Variants in AMBRA1 observed in about 807,000 individuals in gnomAD.
AMBRA1 encodes autophagy and beclin 1 regulator 1, also known as activating molecule in BECN1-regulated autophagy protein 1.
A neutral mutation model predicts 125.4 loss-of-function variants in AMBRA1; 47 were observed. The ratio of observed to expected loss-of-function variants is 0.37; its 90% CI spans 0.30 to 0.48. AMBRA1 has a LOEUF of 0.48. Among genes scored for constraint, AMBRA1 ranks in the 20% least tolerant of loss-of-function variants. The probability of loss-of-function intolerance (pLI) is 0.99; values close to 1 mark genes in which losing one functional copy is unlikely to be tolerated. For synonymous variants in AMBRA1, 626 were observed against 655.5 expected, an observed-to-expected ratio of 0.95 and a Z score of 0.69; for missense variants, 1,331 against 1,693.4, an observed-to-expected ratio of 0.79 and a Z score of 3.76.
intron 14 of AMBRA1, among the ~76,000 whole-genome samples, chr11:46,422,845 G>A (rs187898864): frequency 3.3e-5 from 5 of 152,292 alleles, no homozygotes; most frequent in Admixed American, 2.6e-4. Context: ...GGTGGCCAGA[G>A]GTCAAGTGCA....
intron 17 of AMBRA1, among the ~76,000 whole-genome samples, chr11:46,399,010 G>A (rs1945587423): frequency 6.6e-6 from 1 of 152,062 alleles, no homozygotes; most frequent in South Asian, 2.1e-4. Flanking sequence ...CTGACCTCAG[G>A]TGATCCACCC....
intron 1 of AMBRA1, among the ~76,000 whole-genome samples, chr11:46,588,325 C>G (rs2044472891): frequency 6.6e-6 from 1 of 151,972 alleles, no homozygotes; most frequent in South Asian, 2.1e-4. Flanking sequence ...GAGCAAGACT[C>G]CATCTCAAAA....
At chr11:46,551,311 C>CTTCT (rs1555005774) in intron 1 of AMBRA1, among the ~76,000 whole-genome samples, 3 of 151,514 alleles carry the variant, frequency 2.0e-5, no homozygotes, top group African/African-American at 7.3e-5. Flanking sequence ...TTTGTGGGGA[C>CTTCT]TTTATTTTTA....
At chr11:46,434,812 G>A (rs748532469) in intron 13 of AMBRA1, 37 bp downstream of exon 13, 26 of 1,539,634 alleles carry the variant, frequency 1.7e-5, no homozygotes, top group Middle Eastern at 4.5e-4. Flanking sequence ...AGGCACCAGC[G>A]TCCCTCTGTC....
chr11:46,406,514 A>G (rs1424348207), intron 17 of AMBRA1, among the ~76,000 whole-genome samples: 1 of 151,688 alleles, frequency 6.6e-6, no homozygotes, highest in East Asian at 2.0e-4. Flanking sequence ...CCATCTCAAA[A>G]ACAAAACAAA....
At chr11:46,440,771 T>C (rs1170131452) in intron 12 of AMBRA1, among the ~76,000 whole-genome samples, 4 of 152,178 alleles carry the variant, frequency 2.6e-5, no homozygotes, top group Admixed American at 2.0e-4. Context: ...TGAAGTTTCA[T>C]TGAGACAGGA....
At chr11:46,551,914 G>A (rs2043011600) in intron 1 of AMBRA1, among the ~76,000 whole-genome samples, 1 of 151,912 alleles carries the variant, frequency 6.6e-6, no homozygotes, top group Non-Finnish European at 1.5e-5. Context: ...AGTAATCCCA[G>A]CTACTTGGGA....
chr11:46,422,040 T>A (rs1056723563), intron 14 of AMBRA1, among the ~76,000 whole-genome samples: 6 of 152,312 alleles, frequency 3.9e-5, no homozygotes, highest in Admixed American at 3.9e-4. Flanking sequence ...GGTGGCCTGC[T>A]GAACACCCAC....
At chr11:46,496,972 C>T (rs1396653594) in intron 9 of AMBRA1, among the ~76,000 whole-genome samples, 4 of 151,984 alleles carry the variant, frequency 2.6e-5, no homozygotes, top group South Asian at 2.1e-4. Flanking sequence ...ATTAGCCAGA[C>T]GTGATGGCGA....
intron 1 of AMBRA1, among the ~76,000 whole-genome samples, chr11:46,564,285 A>G (rs1170669782): frequency 6.6e-6 from 1 of 152,048 alleles, no homozygotes; most frequent in Admixed American, 6.6e-5. Context: ...GACAAGTGAT[A>G]GAATATAACA....
intron 7 of AMBRA1, among the ~76,000 whole-genome samples, chr11:46,527,310 T>C (rs1952015477): frequency 1.3e-5 from 2 of 151,262 alleles, no homozygotes; most frequent in African/African-American, 4.9e-5. Flanking sequence ...CAAGACCCCA[T>C]CTCTACTAAA....
chr11:46,483,211 G>A (rs923234231), intron 11 of AMBRA1, among the ~76,000 whole-genome samples: 2 of 151,924 alleles, frequency 1.3e-5, no homozygotes, highest in African/African-American at 4.8e-5. Flanking sequence ...ATCTTCACAG[G>A]GTGAGTATGT....
At chr11:46,412,045 T>C (rs1277718734) in intron 15 of AMBRA1, among the ~76,000 whole-genome samples, 2 of 152,130 alleles carry the variant, frequency 1.3e-5, no homozygotes, top group Non-Finnish European at 2.9e-5. Context: ...TGCGCTGTAG[T>C]AAACCTCTCC....
chr11:46,494,042 T>C, intron 10 of AMBRA1, 82 bp downstream of exon 10: 1 of 1,364,240 alleles, frequency 7.3e-7, no homozygotes, highest in South Asian at 1.2e-5. Context: ...ATGTGGACAA[T>C]TCAAAGACCA....
chr11:46,419,623 C>T (rs1462141076), intron 14 of AMBRA1, among the ~76,000 whole-genome samples: 1 of 152,138 alleles, frequency 6.6e-6, no homozygotes, highest in Non-Finnish European at 1.5e-5. Flanking sequence ...TCCCTTCTTG[C>T]TTCCCCAGTT....
intron 17 of AMBRA1, among the ~76,000 whole-genome samples, chr11:46,403,088 A>G (rs1160386561): frequency 6.6e-6 from 1 of 152,200 alleles, no homozygotes; most frequent in East Asian, 1.9e-4. Flanking sequence ...AAAATAGGAA[A>G]TTGATTTAGA....
intron 14 of AMBRA1, chr11:46,428,957 C>G: frequency 6.2e-7 from 1 of 1,612,372 alleles, no homozygotes; most frequent in South Asian, 1.1e-5. Context: ...GTAGAAATGT[C>G]TCCAGGCAAA....
chr11:46,563,074 C>T (rs910222699), intron 1 of AMBRA1, among the ~76,000 whole-genome samples: 10 of 151,960 alleles, frequency 6.6e-5, no homozygotes, highest in African/African-American at 1.9e-4. Context: ...CTGAAACTAC[C>T]GTGCCTGGCC....
intron 1 of AMBRA1, among the ~76,000 whole-genome samples, chr11:46,583,326 C>T (rs1422957214): frequency 6.6e-6 from 1 of 151,558 alleles, no homozygotes; most frequent in Non-Finnish European, 1.5e-5. Flanking sequence ...GGATCCCTTC[C>T]TTACACCTTA....
Sources: gnomAD v4.1 joint callset for allele counts (sites outside exome capture counted in the v4.1 genomes callset) on GRCh38, gnomAD v4.1.1 for gene constraint, MANE v1.5 for transcripts, NCBI Gene and HGNC (gene_info 2026-07-23, HGNC 2026-07-21) for gene names.